ZNF331: variants seen among roughly 807,000 people sequenced by gnomAD.
ZNF331 encodes the protein C2H2-like zinc finger protein rearranged in thyroid adenomas.
In ZNF331, 2 loss-of-function variants were observed where a neutral mutation model predicts 7.0. That is an observed-to-expected ratio of 0.29 (90% CI 0.12 to 0.90). The LOEUF (loss-of-function observed/expected upper bound fraction) is 0.90, where lower values mean the gene tolerates loss of function less well. Among genes scored for constraint, ZNF331 ranks in the 40% least tolerant of loss-of-function variants. The pLI, the probability that ZNF331 is intolerant of heterozygous loss-of-function variation, is 0.58. For missense variants in ZNF331, 432 were observed against 587.7 expected (o/e 0.74, Z 2.74); for synonymous variants, 196 against 205.4 (o/e 0.95, Z 0.39).
the ZNF331 span, among the ~76,000 whole-genome samples, chr19:53,513,393 T>C: frequency 6.6e-6 from 1 of 152,154 alleles, no homozygotes; most frequent in Non-Finnish European, 1.5e-5. Context: ...TTAATTCTCA[T>C]ATTGTTTTGA....
chr19:53,568,297 GA>G (rs1321949630), intron 3 of ZNF331, among the ~76,000 whole-genome samples: 1 of 151,706 alleles, frequency 6.6e-6, no homozygotes, highest in African/African-American at 2.4e-5. Context: ...TCCAGACACA[GA>G]GCTTCTGGTG....
rs1389101605 is a variant in ZNF331, at chr19:53,577,780, G to T, written c.1220G>T (p.Gly407Val). 1.2e-6 allele frequency: 2 copies of T among 1,613,928 alleles called. No homozygotes were observed. Among genetic ancestry groups the T allele is most frequent in the Non-Finnish European group, 1.7e-6 (2 of 1,179,834 alleles). Residue 407 changes from glycine to valine, a missense_variant, in exon 6 of 6, where the codon GGG becomes GTG. Physicochemically the swap from Gly to Val is moderately radical, Grantham distance 109. Around this residue, in one of 3 missense-constraint regions of ZNF331, gnomAD observed 312 missense variants for 448.6 expected, o/e 0.70. Transcript: ENST00000449416. ...SLVKHERIHT[G>V]VKPYGCTECG... ...GTGAAACATGAGAGAATTCATACCG[G>T]GGTGAAACCCTATGGGTGTACAGAA...
chr19:53,571,710 A>C lies in ZNF331; in HGVS notation c.116A>C (p.Tyr39Ser). Residue 39 changes from tyrosine to serine, a missense_variant, in exon 5 of 6, where the codon TAC (tyrosine) becomes TCC (serine). This residue lies in a region of ZNF331 where 39 missense variants were observed against 68.8 expected (regional missense o/e 0.57). Coordinates refer to ENST00000449416, the MANE Select transcript of ZNF331 (RefSeq NM_001079906.2). The surrounding 1 kb of genome is among the most constrained non-coding windows in gnomAD (Gnocchi z 4.7). ...TACTGGGACGTGATGCTGGAGAACT[A>C]CAGTAACTTGGTCTCACTGGGTGAG... ...DLYWDVMLENYSNLVSLDLES... is the reference protein window; with the variant it reads ...DLYWDVMLENSSNLVSLDLES... The C allele has an allele frequency of 6.2e-7, 1 of 1,613,430 alleles. No individual in the cohort carries two copies. Among genetic ancestry groups the C allele is most frequent in the Non-Finnish European group, 8.5e-7 (1 of 1,179,616 alleles).
chr19:53,536,264 G>A (rs2087744921), upstream of ZNF331: 1 of 152,056 alleles, frequency 6.6e-6, no homozygotes, highest in East Asian at 1.9e-4. Context: ...ATATATGACT[G>A]TGTGTTTCAT....
At chr19:53,564,316 G>C (rs2090054519) in intron 3 of ZNF331, among the ~76,000 whole-genome samples, 1 of 151,860 alleles carries the variant, frequency 6.6e-6, no homozygotes, top group Non-Finnish European at 1.5e-5. Context: ...GTCTTCCCCT[G>C]TTGCCAAGAC....
At position 53,539,448 on chromosome 19, in the gene ZNF331, A is replaced by T. The variant is rs560192538; in HGVS notation, c.-138+166A>T. 1 of 152,190 alleles carries T rather than the reference A, an allele frequency of 6.6e-6. No homozygotes were observed. Among genetic ancestry groups the T allele is most frequent in the Non-Finnish European group, 1.5e-5 (1 of 68,026 alleles). 9.4% of individuals were successfully genotyped at this position (152,190 alleles called of 1,614,324 possible). A position where few individuals can be genotyped will look rare whatever the true frequency, so the allele number is the denominator to read the frequency against. On this transcript the variant is annotated intron_variant, in intron 2 of 5. Transcript: ENST00000449416. The surrounding 1 kb of genome is among the most constrained non-coding windows in gnomAD (Gnocchi z 6.1). ...GGTGAAATGCATTAACACGCATAAA[A>T]CCCATAGACGCGCACCCCTGAGTGG...
rs1301947706 is a variant in ZNF331, at chr19:53,558,812, A to G, written c.-74+2904A>G. 4.0e-5 allele frequency among the ~76,000 whole-genome samples: 6 copies of G among 151,820 alleles called. No individual in the cohort carries two copies. The highest frequency in any genetic ancestry group is 8.8e-5 in the Non-Finnish European group (6 of 67,906). On this transcript the variant is annotated intron_variant, in intron 3 of 5. Coordinates refer to ENST00000449416, the MANE Select transcript of ZNF331 (RefSeq NM_001079906.2). This position sits in a 1 kb window ranked among gnomAD's most constrained non-coding sequence, Gnocchi z 4.5. ...GAACATACAGACACACTCATACCCC[A>G]TATATACACACATATAGGCACCTAC...
At position 53,569,317 on chromosome 19, in the gene ZNF331, G is replaced by A. The variant is rs2090326241; in HGVS notation, c.-60G>A. ...TTCCACCCCTAGCTCTAGCCTCTCG[G>A]AATTTGTCTTCTTCAGTGGAAACCC... On this transcript the variant is annotated 5_prime_UTR_variant, in exon 4 of 6. Transcript: ENST00000449416. 1.2e-6 allele frequency: 2 copies of A among 1,603,010 alleles called. No homozygotes were observed. The highest frequency in any genetic ancestry group is 1.7e-6 in the Non-Finnish European group (2 of 1,171,722).
In ZNF331 at chr19:53,577,980, C is replaced by T. The variant is rs963425283; in HGVS notation, c.*28C>T. On this transcript the variant is annotated 3_prime_UTR_variant, in exon 6 of 6. Coordinates refer to ENST00000449416, the MANE Select transcript of ZNF331 (RefSeq NM_001079906.2). ...AGCCTTTTGAACGCAGTAGCCCGCT[C>T]GTATCTATGGTTTCGCTTTCCACAG... 7 of 1,580,394 alleles carry T rather than the reference C, an allele frequency of 4.4e-6. No individual in the cohort carries two copies. Among genetic ancestry groups the T allele is most frequent in the African/African-American group, 1.4e-5 (1 of 74,022 alleles).
chr19:53,512,816 T>C, the ZNF331 span: 1 of 149,638 alleles, frequency 6.7e-6, no homozygotes, highest in Non-Finnish European at 1.5e-5. Flanking sequence ...GGATCTGGGT[T>C]GCATGCTCTT....
upstream of ZNF331, among the ~76,000 whole-genome samples, chr19:53,515,246 G>A (rs2086875940): frequency 6.6e-6 from 1 of 152,190 alleles, no homozygotes; most frequent in South Asian, 2.1e-4. Context: ...AGAGAGATCA[G>A]CTTCTAACAT....
intron 3 of ZNF331, among the ~76,000 whole-genome samples, chr19:53,562,542 T>C (rs950784360): frequency 2.6e-5 from 4 of 151,344 alleles, no homozygotes; most frequent in Non-Finnish European, 5.9e-5. Flanking sequence ...ATACAAAAAC[T>C]AGCCAAGCAT....
At chr19:53,506,072 G>A in the ZNF331 span, among the ~76,000 whole-genome samples, 1 of 149,066 alleles carries the variant, frequency 6.7e-6, no homozygotes, top group Non-Finnish European at 1.5e-5. Context: ...GCAGTGGCTA[G>A]TGCCTGTAAT....
At chr19:53,537,564 CG>C (rs2087811737), upstream of ZNF331, 1 of 152,414 alleles carries the variant, frequency 6.6e-6, no homozygotes, top group Non-Finnish European at 1.5e-5. Flanking sequence ...CTGCCCGCTC[CG>C]GCACCGACCT....
chr19:53,568,739 G>A (rs2090287277), intron 3 of ZNF331, among the ~76,000 whole-genome samples: 1 of 150,416 alleles, frequency 6.6e-6, no homozygotes, highest in South Asian at 2.1e-4. Flanking sequence ...AATTGTCTGG[G>A]CCTGTCTTTG....
intron 2 of ZNF331, among the ~76,000 whole-genome samples, chr19:53,532,520 C>T (rs1273964674): frequency 1.3e-5 from 2 of 151,860 alleles, no homozygotes; most frequent in Non-Finnish European, 2.9e-5. Context: ...TTTTGTTTCC[C>T]CCTGGGGTAT....
upstream of ZNF331, among the ~76,000 whole-genome samples, chr19:53,535,501 T>C (rs150087514): frequency 6.6e-3 from 1,008 of 152,338 alleles, 11 homozygotes; most frequent in African/African-American, 0.023. Context: ...TTCTGGAACA[T>C]TGAATCCTAT....
At chr19:53,520,577 A>G (rs188213877), upstream of ZNF331, among the ~76,000 whole-genome samples, 1,927 of 152,156 alleles carry the variant, frequency 0.013, 17 homozygotes, top group Non-Finnish European at 0.019. Flanking sequence ...CCAGAAGTCT[A>G]TGGGGGGTGC....
chr19:53,545,706 C>A (rs1455029779), intron 2 of ZNF331, among the ~76,000 whole-genome samples: 2 of 152,206 alleles, frequency 1.3e-5, no homozygotes, highest in Admixed American at 1.3e-4. Context: ...CAGTGTGGTA[C>A]CTGCCTGAGA....
Sources: gnomAD v4.1 joint callset for allele counts (sites outside exome capture counted in the v4.1 genomes callset) on GRCh38, gnomAD v4.1.1 for gene constraint, gnomAD v4.1.1 regional missense constraint, Gnocchi (gnomAD v3.1) non-coding constraint, MANE v1.5 for transcripts, NCBI Gene and HGNC (gene_info 2026-07-23, HGNC 2026-07-21) for gene names.